Variants in UBE2E2 observed in about 807,000 individuals in gnomAD.
UBE2E2 encodes the protein ubiquitin conjugating enzyme E2 E2.
Under a neutral mutation model 24.7 loss-of-function variants are expected in UBE2E2, and 6 were observed. The ratio of observed to expected loss-of-function variants is 0.24; its 90% CI spans 0.13 to 0.48. UBE2E2 has a LOEUF of 0.48. Ranked by LOEUF, UBE2E2 falls within the 20% of genes least tolerant of loss-of-function variation. UBE2E2 has a pLI of 0.99. For synonymous variants in UBE2E2, 104 were observed against 83.6 expected (o/e 1.24, Z -1.33); for missense variants, 169 against 245.0 (o/e 0.69, Z 2.07).
chr3:23,250,716 G>A (rs1181147397), intron 3 of UBE2E2, among the ~76,000 whole-genome samples: 6 of 152,248 alleles, frequency 3.9e-5, no homozygotes, highest in South Asian at 4.2e-4. Flanking sequence ...CCTTCTATCA[G>A]TCATTAAGAA....
chr3:23,522,316 G>A (rs1032317567), intron 4 of UBE2E2, among the ~76,000 whole-genome samples: 1 of 152,016 alleles, frequency 6.6e-6, no homozygotes, highest in African/African-American at 2.4e-5. Flanking sequence ...ATTTTTAGTA[G>A]AGACAGGGTT....
chr3:23,262,336 A>C (rs1697925535), intron 3 of UBE2E2, among the ~76,000 whole-genome samples: 1 of 152,182 alleles, frequency 6.6e-6, no homozygotes, highest in Non-Finnish European at 1.5e-5. Context: ...GCTGGACTGA[A>C]GTGGCGCGAT....
intron 3 of UBE2E2, among the ~76,000 whole-genome samples, chr3:23,352,654 A>G (rs1363810941): frequency 3.3e-5 from 5 of 151,702 alleles, no homozygotes; most frequent in Admixed American, 6.6e-5. Flanking sequence ...TAAATTCCTC[A>G]ACACATACAC....
chr3:23,223,106 G>C (rs912952735), intron 3 of UBE2E2, among the ~76,000 whole-genome samples: 14 of 134,730 alleles, frequency 1.0e-4, no homozygotes, highest in African/African-American at 4.0e-4. Flanking sequence ...TGTAACCTCT[G>C]CCTCCTGGGT....
At chr3:23,542,732 G>A (rs1216447659) in intron 5 of UBE2E2, among the ~76,000 whole-genome samples, 2 of 152,048 alleles carry the variant, frequency 1.3e-5, no homozygotes, top group African/African-American at 4.8e-5. Context: ...TTCAAGATAA[G>A]TATTTAATTT....
intron 3 of UBE2E2, among the ~76,000 whole-genome samples, chr3:23,273,581 A>T (rs554623119): frequency 6.6e-6 from 1 of 152,066 alleles, no homozygotes; most frequent in Non-Finnish European, 1.5e-5. Flanking sequence ...CTTGAATGAC[A>T]TTGTTATAAC....
intron 3 of UBE2E2, among the ~76,000 whole-genome samples, chr3:23,243,352 G>A (rs1697306472): frequency 6.6e-6 from 1 of 152,158 alleles, no homozygotes; most frequent in Admixed American, 6.5e-5. Flanking sequence ...CAGCAGTTCT[G>A]TAATGGCAGA....
At chr3:23,445,918 T>G (rs1419028460) in intron 3 of UBE2E2, among the ~76,000 whole-genome samples, 1 of 152,158 alleles carries the variant, frequency 6.6e-6, no homozygotes, top group Non-Finnish European at 1.5e-5. Context: ...GGATCAGCAT[T>G]GTGACTTCTC....
At chr3:23,288,345 C>A (rs556901335) in intron 3 of UBE2E2, among the ~76,000 whole-genome samples, 2 of 152,194 alleles carry the variant, frequency 1.3e-5, no homozygotes, top group African/African-American at 4.8e-5. Flanking sequence ...TATAGTCTAT[C>A]CTTGGGAATG....
intron 3 of UBE2E2, among the ~76,000 whole-genome samples, chr3:23,395,255 G>A (rs1697046788): frequency 1.3e-5 from 2 of 152,164 alleles, no homozygotes; most frequent in Non-Finnish European, 2.9e-5. Flanking sequence ...TCCAGGTCTG[G>A]ATTCTAGTAA....
chr3:23,508,727 T>C (rs1694515279), intron 4 of UBE2E2, among the ~76,000 whole-genome samples: 1 of 152,214 alleles, frequency 6.6e-6, no homozygotes, highest in South Asian at 2.1e-4. Context: ...TCTCTGTGAA[T>C]GTGACCGCAC....
At chr3:23,339,355 A>AT (rs1326493509) in intron 3 of UBE2E2, among the ~76,000 whole-genome samples, 2 of 152,168 alleles carry the variant, frequency 1.3e-5, no homozygotes, top group Non-Finnish European at 2.9e-5. Context: ...TAGAAGGAAG[A>AT]TATTAGTAGG....
Position 23,375,059 on chromosome 3 carries a change from G to A in UBE2E2, c.228-124549G>A, listed in dbSNP as rs114907658. Among the ~76,000 whole-genome samples the A allele has an allele frequency of 7.7e-3, 1,172 of 151,838 alleles. 12 individuals carry two copies. The highest frequency in any genetic ancestry group is 0.021 in the African/African-American group (858 of 41,424). ...AGAAATGAAATCTGTGCTTTTATTC[G>A]TATTTACATATCATGAGATATAAAA... On this transcript the variant is annotated intron_variant, in intron 3 of 5. Transcript: ENST00000396703.
intron 3 of UBE2E2, among the ~76,000 whole-genome samples, chr3:23,477,824 G>A (rs1398739719): frequency 6.6e-6 from 1 of 152,200 alleles, no homozygotes; most frequent in Non-Finnish European, 1.5e-5. Context: ...CCAGTGGGAG[G>A]TGATTGGATC....
At chr3:23,564,508 C>T (rs1401518993) in intron 5 of UBE2E2, among the ~76,000 whole-genome samples, 3 of 152,152 alleles carry the variant, frequency 2.0e-5, no homozygotes, top group Admixed American at 1.3e-4. Context: ...GAGGGTACCA[C>T]ATTAGGGAAC....
intron 3 of UBE2E2, among the ~76,000 whole-genome samples, chr3:23,233,403 G>A (rs1460732152): frequency 6.6e-6 from 1 of 152,084 alleles, no homozygotes; most frequent in Non-Finnish European, 1.5e-5. Flanking sequence ...TGAAGTGGGT[G>A]GAATAGAATA....
At chr3:23,309,012 G>C (rs1477482252) in intron 3 of UBE2E2, among the ~76,000 whole-genome samples, 1 of 152,182 alleles carries the variant, frequency 6.6e-6, no homozygotes, top group East Asian at 1.9e-4. Context: ...GTAAAAAGAA[G>C]AGCAAGCAAA....
chr3:23,452,374 T>C (rs950379351), intron 3 of UBE2E2, among the ~76,000 whole-genome samples: 4 of 152,160 alleles, frequency 2.6e-5, no homozygotes, highest in African/African-American at 9.7e-5. Context: ...AGTAGACTTT[T>C]GAACCAGCTG....
chr3:23,351,034 T>C (rs975806068), intron 3 of UBE2E2, among the ~76,000 whole-genome samples: 1 of 152,114 alleles, frequency 6.6e-6, no homozygotes, highest in African/African-American at 2.4e-5. Flanking sequence ...TAACAGCAGA[T>C]CTCTCGGCAG....
Sources: gnomAD v4.1 joint callset for allele counts (sites outside exome capture counted in the v4.1 genomes callset) on GRCh38, gnomAD v4.1.1 for gene constraint, MANE v1.5 for transcripts, NCBI Gene and HGNC (gene_info 2026-07-23, HGNC 2026-07-21) for gene names.